LCE2A: variants seen among roughly 807,000 people sequenced by gnomAD.
The protein encoded by LCE2A is late cornified envelope 2A.
For missense variants in LCE2A, 147 were observed against 137.6 expected, an observed-to-expected ratio of 1.07 and a Z score of -0.34; for synonymous variants, 65 against 52.5, an observed-to-expected ratio of 1.24 and a Z score of -1.03.
chr1:152,699,418 T>A lies in LCE2A; in HGVS notation c.*196T>A. 1.5e-6 allele frequency: 1 copy of A among 672,994 alleles called. No homozygotes were observed. The highest frequency in any genetic ancestry group is 2.5e-6 in the Non-Finnish European group (1 of 395,914). 41.7% of individuals were successfully genotyped at this position (672,994 alleles called of 1,614,324 possible). On this transcript the variant is annotated 3_prime_UTR_variant, in exon 2 of 2. Coordinates refer to ENST00000368779, the MANE Select transcript of LCE2A (RefSeq NM_178428.4). The stretch of plus-strand genomic sequence containing the variant: ...CTTCCCACTTTACCTCATACAACAA[T>A]AAAGCTCTTTTGCCTCTTCGTGAAG...
chr1:152,699,042 C>G lies in LCE2A; in HGVS notation c.141C>G (p.Ser47Arg), dbSNP rs762087405. 1 of 1,613,742 alleles carries G rather than the reference C, an allele frequency of 6.2e-7. No homozygotes were observed. Among genetic ancestry groups the G allele is most frequent in the Non-Finnish European group, 8.5e-7 (1 of 1,179,908 alleles). ...PPPVSSCCGP[S>R]SGGCCGSSSG... ...CAGTCTCTTCCTGCTGTGGTCCCAG[C>G]TCTGGGGGCTGCTGCGGCTCCAGCT... Residue 47 changes from serine to arginine, a missense_variant, in exon 2 of 2, where the codon AGC becomes AGG. Ser to Arg is a moderately radical substitution (Grantham distance 110, BLOSUM62 -1). Coordinates refer to ENST00000368779, the MANE Select transcript of LCE2A (RefSeq NM_178428.4).
Position 152,699,438 on chromosome 1 carries a change from G to C in LCE2A, c.*216G>C, listed in dbSNP as rs563323265. 207 of 613,202 alleles carry C rather than the reference G, an allele frequency of 3.4e-4. No homozygotes were observed. Among genetic ancestry groups the C allele is most frequent in the Non-Finnish European group, 4.8e-4 (167 of 346,384 alleles). 38.0% of individuals were successfully genotyped at this position (613,202 alleles called of 1,614,324 possible). A position where few individuals can be genotyped will look rare whatever the true frequency, so the allele number is the denominator to read the frequency against. ...AACAATAAAGCTCTTTTGCCTCTTC[G>C]TGAAGTACCCTGGCCATTGTCAATT... On this transcript the variant is annotated 3_prime_UTR_variant, in exon 2 of 2. Coordinates refer to ENST00000368779, the MANE Select transcript of LCE2A (RefSeq NM_178428.4).
In LCE2A at chr1:152,699,437, C is replaced by G. The variant is rs3908717; in HGVS notation, c.*215C>G. Reference sequence around the variant, plus strand: ...CAACAATAAAGCTCTTTTGCCTCTTCGTGAAGTACCCTGGCCATTGTCAAT... The same window carrying G: ...CAACAATAAAGCTCTTTTGCCTCTTGGTGAAGTACCCTGGCCATTGTCAAT... On this transcript the variant is annotated 3_prime_UTR_variant, in exon 2 of 2. Coordinates refer to ENST00000368779, the MANE Select transcript of LCE2A (RefSeq NM_178428.4). 0.12 allele frequency: 75,949 copies of G among 614,082 alleles called. 6,147 individuals carry two copies. Among genetic ancestry groups the G allele is most frequent in the African/African-American group, 0.27 (14,542 of 54,186 alleles). The allele number at this position is 614,082 out of a possible 1,614,324, so 38.0% of individuals were successfully genotyped here. A position where few individuals can be genotyped will look rare whatever the true frequency, so the allele number is the denominator to read the frequency against.
chr1:152,699,096 C>A lies in LCE2A; in HGVS notation c.195C>A (p.Gly65=), dbSNP rs61812675. 6.2e-7 allele frequency: 1 copy of A among 1,613,886 alleles called. No homozygotes were observed. The highest frequency in any genetic ancestry group is 8.5e-7 in the Non-Finnish European group (1 of 1,179,950). Residue 65 remains glycine, a synonymous_variant, in exon 2 of 2, where the codon GGC becomes GGA. Transcript: ENST00000368779. ...GGGGCTGCTGCAGCTCTGGGGGTGG[C>A]GGCTGCTGCCTGAGCCACCACAGGC... ...SSGGCCSSGG[G]GCCLSHHRPR...
chr1:152,699,075 C>G lies in LCE2A; in HGVS notation c.174C>G (p.Gly58=), dbSNP rs61812672. The stretch of plus-strand genomic sequence containing the variant: ...GCTGCTGCGGCTCCAGCTCTGGGGG[C>G]TGCTGCAGCTCTGGGGGTGGCGGCT... ...SGGCCGSSSG[G]CCSSGGGGCC... is the part of the protein sequence containing the mutation. The change falls in exon 2 of 2, where the codon GGC becomes GGG. Residue 58 remains glycine (G), a synonymous_variant. Transcript: ENST00000368779. The G allele has an allele frequency of 6.2e-7, 1 of 1,614,024 alleles. No homozygotes were observed. The highest frequency in any genetic ancestry group is 8.5e-7 in the Non-Finnish European group (1 of 1,179,978).
chr1:152,698,929 T>G lies in LCE2A; in HGVS notation c.28T>G (p.Cys10Gly), dbSNP rs748156999. The G allele has an allele frequency of 9.9e-6, 16 of 1,614,058 alleles. No individual in the cohort carries two copies. The highest frequency in any genetic ancestry group is 1.4e-5 in the Non-Finnish European group (16 of 1,180,028). MSCQQNQQQ[C>G]QPPPKCPPKC... is the part of the protein sequence containing the mutation. ...GTCCTGCCAGCAAAACCAGCAGCAG[T>G]GCCAGCCCCCTCCCAAGTGCCCCCC... is the stretch of plus-strand genomic sequence containing the variant. Residue 10 changes from cysteine (C) to glycine (G), a missense_variant, in exon 2 of 2, where the codon TGC becomes GGC. Cys to Gly is a radical substitution (Grantham distance 159, BLOSUM62 -3). Transcript: ENST00000368779.
rs1209506909 is a variant in LCE2A, at chr1:152,699,268, A to G, written c.*46A>G. On this transcript the variant is annotated 3_prime_UTR_variant, in exon 2 of 2. Coordinates refer to ENST00000368779, the MANE Select transcript of LCE2A (RefSeq NM_178428.4). ...AGCAACCCTTATGGAGAAACTTGCA[A>G]CCAGGACCTGTCCCAGAGTGATGCT... 7 of 1,572,120 alleles carry G rather than the reference A, an allele frequency of 4.5e-6. No individual in the cohort carries two copies. The highest frequency in any genetic ancestry group is 6.0e-6 in the Non-Finnish European group (7 of 1,157,868).
chr1:152,698,897 C>T lies in LCE2A; in HGVS notation c.-5C>T. The T allele has an allele frequency of 1.9e-6, 3 of 1,614,174 alleles. No individual in the cohort carries two copies. Among genetic ancestry groups the T allele is most frequent in the Non-Finnish European group, 1.7e-6 (2 of 1,180,006 alleles). ...CGAATTTCAGGTTGAAAAAGTCGCA[C>T]TGAGATGTCCTGCCAGCAAAACCAG... On this transcript the variant is annotated 5_prime_UTR_variant, in exon 2 of 2. Coordinates refer to ENST00000368779, the MANE Select transcript of LCE2A (RefSeq NM_178428.4).
At position 152,698,408 on chromosome 1, in the gene LCE2A, T is replaced by G. The variant is rs1271556731; in HGVS notation, c.-21+14T>G. ...TGTGTGACCAGGGTGAGTGGCAACC[T>G]GGGAGCCAGAGGGCACAGGGGAATG... On this transcript the variant is annotated intron_variant, in intron 1 of 1. Coordinates refer to ENST00000368779, the MANE Select transcript of LCE2A (RefSeq NM_178428.4). 6.1e-6 allele frequency: 1 copy of G among 164,100 alleles called. No individual in the cohort carries two copies. The highest frequency in any genetic ancestry group is 2.4e-5 in the African/African-American group (1 of 41,490). The allele number at this position is 164,100 out of a possible 1,614,324, so 10.2% of individuals were successfully genotyped here.
chr1:152,699,312 C>T lies in LCE2A; in HGVS notation c.*90C>T. The T allele has an allele frequency of 1.4e-6, 2 of 1,478,300 alleles. 1 individual carries two copies. Among genetic ancestry groups the T allele is most frequent in the East Asian group, 4.6e-5 (2 of 43,796 alleles). The allele number at this position is 1,478,300 out of a possible 1,614,324, so 91.6% of individuals were successfully genotyped here. On this transcript the variant is annotated 3_prime_UTR_variant, in exon 2 of 2. Coordinates refer to ENST00000368779, the MANE Select transcript of LCE2A (RefSeq NM_178428.4). ...TGATGCTTCTCCTGCCCCTTTTTCTCCTTTCCTTGGGCTGACACACCTTGT... is the reference window on the plus strand; with the variant it reads ...TGATGCTTCTCCTGCCCCTTTTTCTTCTTTCCTTGGGCTGACACACCTTGT...
At chr1:152,698,473 T>G in intron 1 of LCE2A, 79 bp downstream of exon 1, 1 of 176,430 alleles carries the variant, frequency 5.7e-6, no homozygotes, top group Non-Finnish European at 1.2e-5. Context: ...TTTCTTTGAT[T>G]CTGTGCTATT....
rs1649518244 is a variant in LCE2A, at chr1:152,699,330, C to T, written c.*108C>T. 6 of 1,384,908 alleles carry T rather than the reference C, an allele frequency of 4.3e-6. No homozygotes were observed. The highest frequency in any genetic ancestry group is 4.7e-5 in the East Asian group (2 of 42,766). 85.8% of individuals were successfully genotyped at this position (1,384,908 alleles called of 1,614,324 possible). On this transcript the variant is annotated 3_prime_UTR_variant, in exon 2 of 2. Transcript: ENST00000368779. ...TTTTTCTCCTTTCCTTGGGCTGACA[C>T]ACCTTGTGAGGTGTTTTGTCTGTTG... is the stretch of plus-strand genomic sequence containing the variant.
In LCE2A at chr1:152,699,145, C is replaced by CACCAGA. The variant is rs748498163; in HGVS notation, c.245_250dup (p.Gln83_Ser84insAsnGln). 6.2e-7 allele frequency: 1 copy of CACCAGA among 1,613,920 alleles called. No homozygotes were observed. The highest frequency in any genetic ancestry group is 1.3e-5 in the African/African-American group (1 of 74,888). On this transcript the variant is annotated inframe_insertion, in exon 2 of 2. Transcript: ENST00000368779. ...GCCCCGTCTCTTCCACCGGCACCGG[C>CACCAGA]ACCAGAGCCCCGATTGTTGTGAGTG...
Sources: gnomAD v4.1 joint callset for allele counts on GRCh38, gnomAD v4.1.1 for gene constraint, MANE v1.5 for transcripts, NCBI Gene and HGNC (gene_info 2026-07-23, HGNC 2026-07-21) for gene names.